PIK3R5: variants seen among roughly 807,000 people sequenced by gnomAD.
PIK3R5 encodes the protein phosphoinositide 3-kinase regulatory subunit 5.
In PIK3R5, 32 loss-of-function variants were observed where a neutral mutation model predicts 94.9. The ratio of observed to expected loss-of-function variants is 0.34; its 90% CI spans 0.25 to 0.45. PIK3R5 has a LOEUF of 0.45. Among genes scored for constraint, PIK3R5 ranks in the 20% least tolerant of loss-of-function variants. The probability of loss-of-function intolerance (pLI) is 1.00; values close to 1 mark genes in which losing one functional copy is unlikely to be tolerated. For synonymous variants in PIK3R5, 443 were observed against 479.4 expected, an observed-to-expected ratio of 0.92 and a Z score of 0.99; for missense variants, 853 against 1,144.6, an observed-to-expected ratio of 0.75 and a Z score of 3.68.
intron 1 of PIK3R5, among the ~76,000 whole-genome samples, chr17:8,950,302 T>C (rs2091354296): frequency 6.6e-6 from 1 of 152,246 alleles, no homozygotes; most frequent in Non-Finnish European, 1.5e-5. Context: ...TGTGGTAAAA[T>C]ATATGCAATA....
rs1702079065 is a variant in PIK3R5 at position 8,955,703 on chromosome 17, C to G, written c.-14+9893G>C. The stretch of plus-strand genomic sequence containing the variant: ...AAACAAGAGCCATGGAGAAAGGAAG[C>G]ACCATCAAAACGGGCTGGGGAGTGG... On this transcript the variant is annotated intron_variant, in intron 1 of 18. Transcript: ENST00000447110. The surrounding 1 kb of genome is among the most constrained non-coding windows in gnomAD (Gnocchi z 4.4). Among the ~76,000 whole-genome samples, 2 of 152,084 alleles carry G rather than the reference C, an allele frequency of 1.3e-5. No homozygotes were observed. Among genetic ancestry groups the G allele is most frequent in the Non-Finnish European group, 2.9e-5 (2 of 68,014 alleles).
chr17:8,947,815 C>T (rs1251581754), intron 1 of PIK3R5, among the ~76,000 whole-genome samples: 1 of 151,884 alleles, frequency 6.6e-6, no homozygotes, highest in Non-Finnish European at 1.5e-5. Context: ...AGGCCGAGGC[C>T]GGTGGATCAC....
chr17:8,951,443 ACTTT>A (rs1163176541), intron 1 of PIK3R5, among the ~76,000 whole-genome samples: 1 of 151,852 alleles, frequency 6.6e-6, no homozygotes, highest in Non-Finnish European at 1.5e-5. Flanking sequence ...CCTCTAATCT[ACTTT>A]CTGTTTCTAT....
chr17:8,908,530 A>AAC (rs3138608), intron 3 of PIK3R5, among the ~76,000 whole-genome samples: 28,014 of 136,378 alleles, frequency 0.21, 2,752 homozygotes, highest in East Asian at 0.24. Context: ...AAATAATTAA[A>AAC]ACACACACAC....
chr17:8,956,787 GAT>G (rs1311960145), intron 1 of PIK3R5, among the ~76,000 whole-genome samples: 1 of 152,204 alleles, frequency 6.6e-6, no homozygotes, highest in Non-Finnish European at 1.5e-5. Context: ...CTGGAGGTGA[GAT>G]AGGTTGGCCC....
In PIK3R5 at chr17:8,880,666, G is replaced by C. The variant is rs925415540; in HGVS notation, c.2616C>G (p.Ile872Met). Residue 872 changes from isoleucine (I) to methionine (M), a missense_variant, in exon 19 of 19, where the codon ATC becomes ATG. This residue lies in a region of PIK3R5 where 91 missense variants were observed against 90.5 expected (regional missense o/e 1.01). Coordinates refer to ENST00000447110, the MANE Select transcript of PIK3R5 (RefSeq NM_001142633.3). ...PDLCSLLCLPIMTFSGALP is the reference protein window; with the variant it reads ...PDLCSLLCLPMMTFSGALP ...AGGGCAGAGCTCCACTGAAAGTCAT[G>C]ATGGGCAGGCAGAGAAGGGAGCAGA... 6.2e-7 allele frequency: 1 copy of C among 1,612,426 alleles called. No homozygotes were observed. Among genetic ancestry groups the C allele is most frequent in the Non-Finnish European group, 8.5e-7 (1 of 1,179,336 alleles).
At chr17:8,943,000 C>T (rs2091213499) in intron 1 of PIK3R5, among the ~76,000 whole-genome samples, 1 of 106,112 alleles carries the variant, frequency 9.4e-6, no homozygotes, top group African/African-American at 3.4e-5. Flanking sequence ...TTTGCTAAAA[C>T]ATTTGAAAGT....
intron 15 of PIK3R5, among the ~76,000 whole-genome samples, chr17:8,883,051 C>T (rs1366951434): frequency 6.6e-6 from 1 of 152,212 alleles, no homozygotes; most frequent in East Asian, 1.9e-4. Flanking sequence ...AATGGATATC[C>T]ACTGCTCTTA....
chr17:8,917,098 G>A (rs534881860), intron 1 of PIK3R5, among the ~76,000 whole-genome samples: 5 of 152,184 alleles, frequency 3.3e-5, no homozygotes, highest in East Asian at 1.9e-4. Context: ...AATCTCCACC[G>A]TGACCTAAGT....
chr17:8,887,177 G>A lies in PIK3R5; in HGVS notation c.1824C>T (p.Ser608=), dbSNP rs1291742745. The part of the protein sequence containing the change: ...TPWEESTNDI[S]HYLGMLDPWY... ...AGGGGTCCAGCATGCCGAGGTAGTG[G>A]GAGATGTCATTGGTGCTCTCCTCCC... Residue 608 remains serine, a synonymous_variant, in exon 12 of 19, where the codon TCC becomes TCT. Transcript: ENST00000447110. 6.2e-7 allele frequency: 1 copy of A among 1,613,914 alleles called. No individual in the cohort carries two copies. The highest frequency in any genetic ancestry group is 1.7e-5 in the Admixed American group (1 of 60,026).
At chr17:8,885,072 G>C (rs2089783293) in intron 14 of PIK3R5, 1 of 412,636 alleles carries the variant, frequency 2.4e-6, no homozygotes, top group Non-Finnish European at 4.5e-6. Flanking sequence ...ACCTTCCCAG[G>C]GTCCTGCCTC....
chr17:8,957,160 C>T (rs1427665831), intron 1 of PIK3R5, among the ~76,000 whole-genome samples: 3 of 152,200 alleles, frequency 2.0e-5, no homozygotes, highest in Non-Finnish European at 2.9e-5. Context: ...TAGAGAACTA[C>T]AGGCTCTTTA....
chr17:8,882,293 A>ATCT lies in PIK3R5; in HGVS notation c.2206-413_2206-412insAGA. ...GGACCTCCATGTTGTTAAACCGAAG[A>ATCT]ACACTTCTTGGTCCTCAGCTTACTT... On this transcript the variant is annotated intron_variant, in intron 15 of 18. Coordinates refer to ENST00000447110, the MANE Select transcript of PIK3R5 (RefSeq NM_001142633.3). This position sits in a 1 kb window ranked among gnomAD's most constrained non-coding sequence, Gnocchi z 4.1. The ATCT allele has an allele frequency of 4.9e-6, 1 of 202,058 alleles. No homozygotes were observed. Among genetic ancestry groups the ATCT allele is most frequent in the Admixed American group, 5.2e-5 (1 of 19,152 alleles). 12.5% of individuals were successfully genotyped at this position (202,058 alleles called of 1,614,324 possible).
At chr17:8,926,994 C>T (rs905176366) in intron 1 of PIK3R5, among the ~76,000 whole-genome samples, 5 of 151,804 alleles carry the variant, frequency 3.3e-5, no homozygotes, top group Admixed American at 3.3e-4. Flanking sequence ...CAACTACAAG[C>T]CCTGAACAAT....
At chr17:8,934,459 C>T (rs1045590158) in intron 1 of PIK3R5, among the ~76,000 whole-genome samples, 1 of 152,136 alleles carries the variant, frequency 6.6e-6, no homozygotes, top group Non-Finnish European at 1.5e-5. Context: ...AGTCAGAAGA[C>T]TCAATATTGA....
At chr17:8,928,688 G>A (rs539978132) in intron 1 of PIK3R5, among the ~76,000 whole-genome samples, 2 of 152,266 alleles carry the variant, frequency 1.3e-5, no homozygotes, top group South Asian at 4.1e-4. Flanking sequence ...AGGAAATCAA[G>A]ATACTCTCAG....
chr17:8,925,520 A>G lies in PIK3R5; in HGVS notation c.-13-14013T>C, dbSNP rs1204631047. The stretch of plus-strand genomic sequence containing the variant: ...GTAGATGGATAGATAGTAGATGGAT[A>G]GATAGATAGATAGTAGATAGATAGT... On this transcript the variant is annotated intron_variant, in intron 1 of 18. Transcript: ENST00000447110. The surrounding 1 kb of genome is among the most constrained non-coding windows in gnomAD (Gnocchi z 5.1). Among the ~76,000 whole-genome samples, 2 of 142,946 alleles carry G rather than the reference A, an allele frequency of 1.4e-5. No homozygotes were observed. The highest frequency in any genetic ancestry group is 3.0e-5 in the Non-Finnish European group (2 of 67,022). The allele number at this position is 142,946 out of a possible 152,430, so 93.8% of individuals were successfully genotyped here.
chr17:8,900,631 G>A (rs928515186), intron 5 of PIK3R5, among the ~76,000 whole-genome samples: 19 of 152,192 alleles, frequency 1.2e-4, no homozygotes, highest in African/African-American at 4.6e-4. Context: ...GGTTCCAAGA[G>A]TCCCCCCTGC....
Position 8,947,199 on chromosome 17 carries a change from T to C in PIK3R5, c.-14+18397A>G, listed in dbSNP as rs376535258. On this transcript the variant is annotated intron_variant, in intron 1 of 18. Transcript: ENST00000447110. ...GTTTAGGACTGGCAGAATCTTTGCCTGGATAGCAGCTTGGTAGCTGATTAG... is the reference window on the plus strand; with the variant it reads ...GTTTAGGACTGGCAGAATCTTTGCCCGGATAGCAGCTTGGTAGCTGATTAG... 1.7e-4 allele frequency among the ~76,000 whole-genome samples: 26 copies of C among 152,326 alleles called. No homozygotes were observed. The South Asian group carries it at 5.2e-3, about 30-fold the overall frequency.
Sources: gnomAD v4.1 joint callset for allele counts (sites outside exome capture counted in the v4.1 genomes callset) on GRCh38, gnomAD v4.1.1 for gene constraint, gnomAD v4.1.1 regional missense constraint, Gnocchi (gnomAD v3.1) non-coding constraint, MANE v1.5 for transcripts, NCBI Gene and HGNC (gene_info 2026-07-23, HGNC 2026-07-21) for gene names.